KSR1: variants seen among roughly 807,000 people sequenced by gnomAD.
KSR1 encodes kinase suppressor of ras 1.
In KSR1, 35 loss-of-function variants were observed where a neutral mutation model predicts 92.9. That is an observed-to-expected ratio of 0.38 (90% CI 0.29 to 0.50). KSR1 has a LOEUF of 0.50. Among genes scored for constraint, KSR1 ranks in the 20% least tolerant of loss-of-function variants. The pLI is 0.94. For synonymous variants in KSR1, 467 were observed against 472.6 expected, an observed-to-expected ratio of 0.99 and a Z score of 0.15; for missense variants, 972 against 1,158.5, an observed-to-expected ratio of 0.84 and a Z score of 2.34.
Position 27,603,902 on chromosome 17 carries a change from G to A in KSR1, c.1565+14G>A. ...CGACGGTACCCGGTAGGCATCCCTAGGTGGTGTCCCCTTCGCTTCTTTGGG... is the reference window on the plus strand; with the variant it reads ...CGACGGTACCCGGTAGGCATCCCTAAGTGGTGTCCCCTTCGCTTCTTTGGG... On this transcript the variant is annotated intron_variant, in intron 12 of 20. Coordinates refer to ENST00000644974, the MANE Select transcript of KSR1 (RefSeq NM_001394583.1). 1 of 1,613,604 alleles carries A rather than the reference G, an allele frequency of 6.2e-7. No individual in the cohort carries two copies. Among genetic ancestry groups the A allele is most frequent in the East Asian group, 2.2e-5 (1 of 44,878 alleles).
intron 1 of KSR1, among the ~76,000 whole-genome samples, chr17:27,525,860 A>G (rs2070239511): frequency 6.6e-6 from 1 of 152,326 alleles, no homozygotes; most frequent in East Asian, 1.9e-4. Context: ...TCTTCTCCCT[A>G]AACATCAAAC....
chr17:27,519,196 G>T (rs1165750803), intron 1 of KSR1, among the ~76,000 whole-genome samples: 1 of 152,180 alleles, frequency 6.6e-6, no homozygotes, highest in Non-Finnish European at 1.5e-5. Flanking sequence ...GCGCCTGGAA[G>T]CCCTGGGTGT....
intron 2 of KSR1, among the ~76,000 whole-genome samples, chr17:27,554,678 T>C (rs941387638): frequency 6.6e-6 from 1 of 152,192 alleles, no homozygotes; most frequent in Non-Finnish European, 1.5e-5. Context: ...ATTATTTCAT[T>C]ATATATTACA....
intron 14 of KSR1, among the ~76,000 whole-genome samples, chr17:27,606,578 CT>C (rs1294467380): frequency 6.6e-6 from 1 of 152,142 alleles, no homozygotes; most frequent in Non-Finnish European, 1.5e-5. Context: ...CAGTGGTGTG[CT>C]GGTAAATGTG....
intron 1 of KSR1, among the ~76,000 whole-genome samples, chr17:27,466,434 G>A (rs531327882): frequency 1.7e-4 from 26 of 152,294 alleles, no homozygotes; most frequent in African/African-American, 5.5e-4. Context: ...GAAACTTGCC[G>A]AGAGAGGTGT....
chr17:27,610,270 A>G, intron 17 of KSR1, 72 bp downstream of exon 17: 3 of 1,599,356 alleles, frequency 1.9e-6, no homozygotes, highest in South Asian at 1.1e-5. Flanking sequence ...TTGGGGGCAG[A>G]GGGAGGCATG....
At chr17:27,576,315 T>C (rs2072504086) in intron 2 of KSR1, among the ~76,000 whole-genome samples, 3 of 152,172 alleles carry the variant, frequency 2.0e-5, no homozygotes, top group Admixed American at 2.0e-4. Context: ...ACTGAATATA[T>C]ATATATATGA....
chr17:27,590,063 A>C (rs899694605), intron 6 of KSR1, among the ~76,000 whole-genome samples: 3 of 152,200 alleles, frequency 2.0e-5, no homozygotes, highest in Non-Finnish European at 4.4e-5. Context: ...GTGTATGTGA[A>C]TTTATGTATT....
chr17:27,509,344 G>A (rs2069511696), intron 1 of KSR1, among the ~76,000 whole-genome samples: 1 of 151,798 alleles, frequency 6.6e-6, no homozygotes, highest in South Asian at 2.1e-4. Flanking sequence ...AGGCTGGGGT[G>A]CAGTGGTGCG....
intron 19 of KSR1, among the ~76,000 whole-genome samples, chr17:27,618,379 A>T (rs1228816609): frequency 6.6e-6 from 1 of 152,214 alleles, no homozygotes; most frequent in Non-Finnish European, 1.5e-5. Context: ...TCTGTCACGA[A>T]TGCTCTGTGA....
chr17:27,476,926 G>A (rs2068364748), intron 1 of KSR1, among the ~76,000 whole-genome samples: 2 of 152,186 alleles, frequency 1.3e-5, no homozygotes, highest in African/African-American at 4.8e-5. Flanking sequence ...AAGTTTATTA[G>A]GAATGTAAAG....
intron 1 of KSR1, among the ~76,000 whole-genome samples, chr17:27,514,775 C>T (rs1000671052): frequency 2.0e-5 from 3 of 152,222 alleles, no homozygotes; most frequent in African/African-American, 4.8e-5. Flanking sequence ...TTGCTGCCTC[C>T]TGTCTTTTTG....
intron 1 of KSR1, among the ~76,000 whole-genome samples, chr17:27,461,151 G>A (rs56354739): frequency 0.38 from 57,461 of 151,976 alleles, 11,378 homozygotes; most frequent in East Asian, 0.63. Flanking sequence ...GCATGATCTC[G>A]GATCACTGCA....
intron 1 of KSR1, among the ~76,000 whole-genome samples, chr17:27,546,202 G>A (rs922145075): frequency 2.6e-5 from 4 of 152,220 alleles, no homozygotes; most frequent in Admixed American, 6.5e-5. Context: ...GCACTCCTGA[G>A]CATATGTTTT....
At chr17:27,609,069 T>C in intron 15 of KSR1, 127 bp from the exon 16 acceptor site, 1 of 1,137,304 alleles carries the variant, frequency 8.8e-7, no homozygotes, top group Non-Finnish European at 1.2e-6. Flanking sequence ...TCTTCTTCTG[T>C]AAAATGGGGA....
intron 1 of KSR1, among the ~76,000 whole-genome samples, chr17:27,548,902 T>C (rs2071288225): frequency 6.6e-6 from 1 of 152,072 alleles, no homozygotes; most frequent in Non-Finnish European, 1.5e-5. Context: ...CCAAAGTGTT[T>C]TGGATTTTGG....
intron 1 of KSR1, among the ~76,000 whole-genome samples, chr17:27,532,769 A>G (rs922589946): frequency 6.6e-6 from 1 of 152,210 alleles, no homozygotes; most frequent in Non-Finnish European, 1.5e-5. Flanking sequence ...ATCAGGTGGC[A>G]GAGCATCCCT....
At chr17:27,591,978 A>T (rs865807670) in intron 7 of KSR1, among the ~76,000 whole-genome samples, 29 of 152,234 alleles carry the variant, frequency 1.9e-4, no homozygotes, top group Admixed American at 3.3e-4. Flanking sequence ...ATTCTTTGGT[A>T]AAGCAAACAT....
At chr17:27,531,617 C>G (rs777245222) in intron 1 of KSR1, among the ~76,000 whole-genome samples, 1 of 152,216 alleles carries the variant, frequency 6.6e-6, no homozygotes, top group Non-Finnish European at 1.5e-5. Flanking sequence ...GTGGCTTCAG[C>G]CCTGCTCCTC....
Sources: gnomAD v4.1 joint callset for allele counts (sites outside exome capture counted in the v4.1 genomes callset) on GRCh38, gnomAD v4.1.1 for gene constraint, MANE v1.5 for transcripts, NCBI Gene and HGNC (gene_info 2026-07-23, HGNC 2026-07-21) for gene names.